The following BBOF1 variants were observed in gnomAD, a reference collection of about 807,000 sequenced individuals.
BBOF1 encodes basal body-orientation factor 1.
A neutral mutation model predicts 68.0 loss-of-function variants in BBOF1; 62 were observed. The ratio of observed to expected loss-of-function variants is 0.91; its 90% CI spans 0.74 to 1.13. The LOEUF is 1.13. Among genes scored for constraint, BBOF1 ranks in the 50% most tolerant of loss-of-function variants. BBOF1 has a pLI of 0.00. For missense variants in BBOF1, 534 were observed against 600.1 expected, an observed-to-expected ratio of 0.89 and a Z score of 1.15; for synonymous variants, 208 against 198.8, an observed-to-expected ratio of 1.05 and a Z score of -0.39.
At chr14:74,023,925 C>CAAAAAAAAA (rs780429164) in intron 2 of BBOF1, among the ~76,000 whole-genome samples, 3 of 46,778 alleles carry the variant, frequency 6.4e-5, no homozygotes, top group Non-Finnish European at 9.1e-5. Flanking sequence ...GACTCCATCT[C>CAAAAAAAAA]AAAAAAAAAA....
chr14:74,031,458 A>G (rs1322421570), intron 3 of BBOF1, among the ~76,000 whole-genome samples: 1 of 152,138 alleles, frequency 6.6e-6, no homozygotes, highest in African/African-American at 2.4e-5. Flanking sequence ...TGGATATATC[A>G]TAGTTTATTC....
intron 11 of BBOF1, chr14:74,060,716 T>C: frequency 9.9e-6 from 16 of 1,613,590 alleles, no homozygotes; most frequent in Non-Finnish European, 1.2e-5. Context: ...TGAGAAGTAA[T>C]GGTCTTTAAC....
At chr14:74,047,340 G>T (rs137965195) in intron 6 of BBOF1, among the ~76,000 whole-genome samples, 1 of 152,258 alleles carries the variant, frequency 6.6e-6, no homozygotes, top group East Asian at 1.9e-4. Context: ...ATGTGGACAG[G>T]AAAGAGCATG....
At chr14:74,057,016 C>G in intron 10 of BBOF1, 36 bp downstream of exon 10, 2 of 1,588,716 alleles carry the variant, frequency 1.3e-6, no homozygotes, top group Non-Finnish European at 1.7e-6. Flanking sequence ...AAACATGAGC[C>G]CAACACGATG....
chr14:74,025,870 G>A (rs909407183), intron 2 of BBOF1, among the ~76,000 whole-genome samples: 22 of 151,480 alleles, frequency 1.5e-4, no homozygotes, highest in African/African-American at 5.3e-4. Context: ...GCCCATGCCT[G>A]TAATCCCAGC....
At chr14:74,081,323 G>T in intron 12 of BBOF1, 1 of 152,226 alleles carries the variant, frequency 6.6e-6, no homozygotes, top group Non-Finnish European at 1.5e-5. Flanking sequence ...ATGAGTACTC[G>T]CCAAGCAATC....
At position 74,034,101 on chromosome 14, in the gene BBOF1, T is replaced by C. The variant is rs565270215; in HGVS notation, c.425T>C (p.Ile142Thr). The stretch of plus-strand genomic sequence containing the variant: ...CAAAAAGCCAAAGAAATTGGCATGA[T>C]TCACACAGAGCTGAAAGCAGTAAGA... Reference protein sequence around the residue: ...FHQKAKEIGMIHTELKAVRQF... With the variant: ...FHQKAKEIGMTHTELKAVRQF... Residue 142 changes from isoleucine (I) to threonine (T), a missense_variant, in exon 4 of 12, where the codon ATT becomes ACT. Ile to Thr is a moderately conservative substitution (Grantham distance 89). Coordinates refer to ENST00000394009, the MANE Select transcript of BBOF1 (RefSeq NM_025057.3). 3.7e-6 allele frequency: 6 copies of C among 1,605,898 alleles called. No individual in the cohort carries two copies. The East Asian group carries it at 1.4e-4, about 36-fold the overall frequency.
rs1266030166 is a variant in BBOF1, at chr14:74,019,358, G to T, written c.-121G>T. On this transcript the variant is annotated 5_prime_UTR_variant, in exon 1 of 12. Coordinates refer to ENST00000394009, the MANE Select transcript of BBOF1 (RefSeq NM_025057.3). Reference sequence around the variant, plus strand: ...CGTCACGGGCGCGTGCGCTCTCCGCGCGCCGTCAGCGGCGCGGGTGGGGCA... The same window carrying T: ...CGTCACGGGCGCGTGCGCTCTCCGCTCGCCGTCAGCGGCGCGGGTGGGGCA... 2 of 1,317,714 alleles carry T rather than the reference G, an allele frequency of 1.5e-6. No individual in the cohort carries two copies. The highest frequency in any genetic ancestry group is 1.6e-5 in the African/African-American group (1 of 63,414). 81.6% of individuals were successfully genotyped at this position (1,317,714 alleles called of 1,614,324 possible). A position where few individuals can be genotyped will look rare whatever the true frequency, so the allele number is the denominator to read the frequency against.
At chr14:74,040,747 A>G in intron 5 of BBOF1, 102 bp downstream of exon 5, 1 of 652,272 alleles carries the variant, frequency 1.5e-6, no homozygotes, top group Admixed American at 3.6e-5. Context: ...ATCTTAATAG[A>G]AGATTAGAAG....
chr14:74,023,793 A>G (rs570958844), intron 2 of BBOF1, among the ~76,000 whole-genome samples: 1 of 151,932 alleles, frequency 6.6e-6, no homozygotes, highest in Admixed American at 6.6e-5. Context: ...GCATGTGCCT[A>G]TAGTCCCAGC....
At chr14:74,056,817 A>T (rs897371930) in intron 9 of BBOF1, 89 bp from the exon 10 acceptor site, 20 of 838,402 alleles carry the variant, frequency 2.4e-5, no homozygotes, top group South Asian at 8.3e-5. Context: ...AATAAAAAAT[A>T]AAAAAAAATT....
intron 1 of BBOF1, among the ~76,000 whole-genome samples, 199 bp from the exon 2 acceptor site, chr14:74,022,717 T>A (rs1023593282): frequency 1.3e-5 from 2 of 152,210 alleles, no homozygotes; most frequent in African/African-American, 4.8e-5. Flanking sequence ...ATTTCTTTTT[T>A]TTTCTTTTTT....
intron 1 of BBOF1, among the ~76,000 whole-genome samples, chr14:74,019,742 A>C (rs1177889784): frequency 6.6e-6 from 1 of 152,238 alleles, no homozygotes; most frequent in Non-Finnish European, 1.5e-5. Context: ...GGATGTATAA[A>C]GTAGTTCCTT....
At chr14:74,080,295 C>T (rs146182640) in intron 10 of BBOF1, among the ~76,000 whole-genome samples, 2 of 152,090 alleles carry the variant, frequency 1.3e-5, no homozygotes, top group African/African-American at 4.8e-5. Context: ...CAGTCTATAC[C>T]ATCATTGTCT....
chr14:74,035,043 G>A (rs909757737), intron 4 of BBOF1, among the ~76,000 whole-genome samples: 2 of 152,104 alleles, frequency 1.3e-5, no homozygotes, highest in Non-Finnish European at 2.9e-5. Flanking sequence ...AGTATGCTGT[G>A]ATTGCACGAC....
chr14:74,043,878 T>A (rs568682615), intron 5 of BBOF1, among the ~76,000 whole-genome samples: 1 of 152,192 alleles, frequency 6.6e-6, no homozygotes, highest in Admixed American at 6.5e-5. Flanking sequence ...TCTGGAATGC[T>A]GTTCCTCCAG....
intron 1 of BBOF1, among the ~76,000 whole-genome samples, chr14:74,020,598 G>T (rs1291938298): frequency 1.3e-5 from 2 of 151,970 alleles, no homozygotes; most frequent in Non-Finnish European, 2.9e-5. Context: ...CTGCCTTCTG[G>T]GTTCAACCAA....
intron 8 of BBOF1, 51 bp from the exon 9 acceptor site, chr14:74,055,533 T>A (rs1267448769): frequency 2.6e-6 from 3 of 1,154,964 alleles, no homozygotes; most frequent in Admixed American, 1.8e-5. Context: ...AAGAGAAGCC[T>A]ATTTGACCGT....
At chr14:74,064,605 C>A in intron 11 of BBOF1, 83 bp from the exon 12 acceptor site, 1 of 1,376,496 alleles carries the variant, frequency 7.3e-7, no homozygotes, top group South Asian at 1.2e-5. Context: ...TCCCCATGCT[C>A]TTTCCTCAAA....
Sources: allele counts gnomAD v4.1 joint callset (sites outside exome capture counted in the v4.1 genomes callset), GRCh38; gene constraint gnomAD v4.1.1; transcripts MANE v1.5; gene names NCBI Gene and HGNC (gene_info 2026-07-23, HGNC 2026-07-21).